Variants in DLGAP2 observed in about 807,000 individuals in gnomAD.
DLGAP2 encodes the protein DLG associated protein 2.
In DLGAP2, 26 loss-of-function variants were observed where a neutral mutation model predicts 100.3. The observed-to-expected ratio is 0.26, with a 90% confidence interval of 0.19 to 0.36. The LOEUF (loss-of-function observed/expected upper bound fraction) is 0.36, where lower values mean the gene tolerates loss of function less well. Ranked by LOEUF, DLGAP2 falls within the 10% of genes least tolerant of loss-of-function variation. DLGAP2 has a pLI of 1.00. For missense variants in DLGAP2, 1,858 were observed against 1,453.2 expected (o/e 1.28, Z -4.53); for synonymous variants, 886 against 630.1 (o/e 1.41, Z -6.08).
intron 2 of DLGAP2, among the ~76,000 whole-genome samples, chr8:1,247,756 T>A (rs865891544): frequency 1.7e-4 from 1 of 5,966 alleles, no homozygotes; most frequent in East Asian, 1.8e-3. Context: ...TTGAGATCAG[T>A]GTGGGAGTGA....
In DLGAP2 at chr8:1,557,296, T is replaced by A. The variant is rs901283400; in HGVS notation, c.1230+7613T>A. ...AGCTGTGCAGCCGGGGGGCTCACAA[T>A]AGGGGCTTTCCATGGAAATAAATGG... On this transcript the variant is annotated intron_variant, in intron 5 of 14. Transcript: ENST00000637795. 5.3e-5 allele frequency among the ~76,000 whole-genome samples: 8 copies of A among 151,770 alleles called. No individual in the cohort carries two copies. In the South Asian group the frequency reaches 1.7e-3, roughly 32 times the overall value.
At chr8:1,602,071 G>C (rs1286941923) in intron 6 of DLGAP2, among the ~76,000 whole-genome samples, 1 of 151,902 alleles carries the variant, frequency 6.6e-6, no homozygotes, top group East Asian at 1.9e-4. Context: ...CTTGGGCCAT[G>C]CAAGCTGCAT....
At chr8:1,514,236 T>C (rs1800279896) in intron 4 of DLGAP2, among the ~76,000 whole-genome samples, 2 of 152,262 alleles carry the variant, frequency 1.3e-5, no homozygotes, top group Non-Finnish European at 2.9e-5. Flanking sequence ...AAATGTCCTC[T>C]TTCTGCCTGA....
intron 3 of DLGAP2, among the ~76,000 whole-genome samples, chr8:1,384,256 T>G (rs894633260): frequency 6.6e-6 from 1 of 152,250 alleles, no homozygotes; most frequent in African/African-American, 2.4e-5. Flanking sequence ...AAGCAAGAAT[T>G]GTGACTGCAC....
At chr8:1,110,381 T>C (rs965706536) in intron 2 of DLGAP2, among the ~76,000 whole-genome samples, 1 of 144,816 alleles carries the variant, frequency 6.9e-6, no homozygotes, top group South Asian at 2.2e-4. Context: ...CATGTGCTTA[T>C]GGAGTATGCT....
intron 3 of DLGAP2, among the ~76,000 whole-genome samples, chr8:1,479,185 G>A (rs891020222): frequency 6.6e-6 from 1 of 152,252 alleles, no homozygotes; most frequent in African/African-American, 2.4e-5. Context: ...GAGAGGCTGT[G>A]AGTCTGGAGT....
intron 2 of DLGAP2, among the ~76,000 whole-genome samples, chr8:944,493 G>A (rs1184415630): frequency 2.0e-5 from 3 of 151,852 alleles, no homozygotes. Context: ...CCCTGTGGGT[G>A]ATCCATTGGG....
At chr8:958,048 C>T (rs1799635437) in intron 2 of DLGAP2, among the ~76,000 whole-genome samples, 1 of 152,142 alleles carries the variant, frequency 6.6e-6, no homozygotes, top group African/African-American at 2.4e-5. Context: ...CGCTAACCCA[C>T]CCCCAGCCCC....
chr8:1,206,719 T>TAC (rs371512600), intron 2 of DLGAP2, among the ~76,000 whole-genome samples: 80,790 of 151,826 alleles, frequency 0.53, 24,258 homozygotes, highest in African/African-American at 0.8. Flanking sequence ...CCTGGCACAG[T>TAC]CCTTAGCTGC....
At chr8:1,209,341 A>G (rs1432461939) in intron 2 of DLGAP2, among the ~76,000 whole-genome samples, 2 of 152,208 alleles carry the variant, frequency 1.3e-5, no homozygotes, top group Non-Finnish European at 2.9e-5. Context: ...ACCCAGAAAT[A>G]GAGTGTAATT....
intron 12 of DLGAP2, among the ~76,000 whole-genome samples, chr8:1,682,831 T>A (rs1294100909): frequency 6.6e-6 from 1 of 151,620 alleles, no homozygotes; most frequent in Non-Finnish European, 1.5e-5. Context: ...AAAAACTATT[T>A]TTCTTCAGTA....
At chr8:1,235,261 T>C (rs1221060406) in intron 2 of DLGAP2, among the ~76,000 whole-genome samples, 7 of 149,104 alleles carry the variant, frequency 4.7e-5, no homozygotes, top group African/African-American at 1.7e-4. Flanking sequence ...GCGTCGTGTC[T>C]AGTTCTCTCT....
intron 2 of DLGAP2, among the ~76,000 whole-genome samples, chr8:1,171,060 T>C (rs1797117974): frequency 6.6e-6 from 1 of 152,110 alleles, no homozygotes; most frequent in Admixed American, 6.6e-5. Flanking sequence ...TTTGAATGTG[T>C]CCGAGATTCT....
rs1224198821 is a variant in DLGAP2, at chr8:1,066,462, G to C, written c.73+158496G>C. On this transcript the variant is annotated intron_variant, in intron 2 of 14. Coordinates refer to ENST00000637795, the MANE Select transcript of DLGAP2 (RefSeq NM_001346810.2). ...AGCTCCCCACCTTGGGCAGGTCTGG[G>C]TGAGGACATGAGGACAGAGCCCCAC... is the stretch of plus-strand genomic sequence containing the variant. 2.9e-5 allele frequency among the ~76,000 whole-genome samples: 4 copies of C among 137,000 alleles called. No individual in the cohort carries two copies. In the East Asian group the frequency reaches 9.5e-4, roughly 33 times the overall value. The allele number at this position is 137,000 out of a possible 152,430, so 89.9% of individuals were successfully genotyped here.
intron 2 of DLGAP2, among the ~76,000 whole-genome samples, chr8:919,755 CCT>C (rs1276578181): frequency 3.9e-5 from 6 of 152,134 alleles, no homozygotes; most frequent in Non-Finnish European, 8.8e-5. Flanking sequence ...CCACCACCCG[CCT>C]CTCTTTCCTC....
intron 6 of DLGAP2, among the ~76,000 whole-genome samples, chr8:1,606,850 A>C (rs935139470): frequency 5.3e-5 from 8 of 152,094 alleles, no homozygotes; most frequent in Non-Finnish European, 2.9e-5. Flanking sequence ...CACCCAGCTA[A>C]GTTTTTGTAT....
At chr8:1,593,469 TAATAA>T (rs1796351861) in intron 6 of DLGAP2, among the ~76,000 whole-genome samples, 1 of 151,418 alleles carries the variant, frequency 6.6e-6, no homozygotes, top group Non-Finnish European at 1.5e-5. Flanking sequence ...ATAATAATAA[TAATAA>T]AATAAAAATA....
chr8:891,082 T>TG (rs1173043441), intron 1 of DLGAP2, among the ~76,000 whole-genome samples: 4 of 151,544 alleles, frequency 2.6e-5, no homozygotes, highest in South Asian at 4.2e-4. Context: ...CCCCCTCCCT[T>TG]GGGGGGTGCT....
intron 8 of DLGAP2, among the ~76,000 whole-genome samples, chr8:1,636,196 A>C (rs923371908): frequency 6.6e-6 from 1 of 152,176 alleles, no homozygotes; most frequent in African/African-American, 2.4e-5. Flanking sequence ...TTTTCTAGGG[A>C]GGGAATATTA....
Sources: gnomAD v4.1 joint callset for allele counts (sites outside exome capture counted in the v4.1 genomes callset) on GRCh38, gnomAD v4.1.1 for gene constraint, MANE v1.5 for transcripts, NCBI Gene and HGNC (gene_info 2026-07-23, HGNC 2026-07-21) for gene names.